USP47: variants seen among roughly 807,000 people sequenced by gnomAD.
USP47 encodes ubiquitin carboxyl-terminal hydrolase 47.
USP47 carries 35 observed loss-of-function variants against 165.1 expected under a neutral mutation model. The ratio of observed to expected loss-of-function variants is 0.21; its 90% CI spans 0.16 to 0.28. The LOEUF (loss-of-function observed/expected upper bound fraction) is 0.28, where lower values mean the gene tolerates loss of function less well. USP47 is among the 10% of genes least tolerant of loss of function. The probability of loss-of-function intolerance (pLI) is 1.00; values close to 1 mark genes in which losing one functional copy is unlikely to be tolerated. For synonymous variants in USP47, 531 were observed against 544.5 expected (o/e 0.98, Z 0.35); for missense variants, 1,277 against 1,607.4 (o/e 0.79, Z 3.52).
At chr11:11,937,997 ATAT>A (rs912942536) in intron 17 of USP47, among the ~76,000 whole-genome samples, 37 of 152,104 alleles carry the variant, frequency 2.4e-4, no homozygotes, top group Non-Finnish European at 4.4e-4. Context: ...GATATAGGAA[ATAT>A]TATTTTGAGG....
At chr11:11,938,582 G>T (rs1016341464) in intron 18 of USP47, among the ~76,000 whole-genome samples, 1 of 152,028 alleles carries the variant, frequency 6.6e-6, no homozygotes, top group Admixed American at 6.6e-5. Context: ...ACTTATATGT[G>T]TTGGCTGGAT....
At chr11:11,926,400 G>T (rs1325465128) in intron 11 of USP47, among the ~76,000 whole-genome samples, 1 of 152,010 alleles carries the variant, frequency 6.6e-6, no homozygotes, top group Non-Finnish European at 1.5e-5. Flanking sequence ...TCTTGAGTCA[G>T]CCTTCATAAG....
chr11:11,842,082 C>G lies in USP47; in HGVS notation c.-104C>G. 7.2e-7 allele frequency: 1 copy of G among 1,395,588 alleles called. No homozygotes were observed. Among genetic ancestry groups the G allele is most frequent in the Non-Finnish European group, 9.8e-7 (1 of 1,023,440 alleles). The allele number at this position is 1,395,588 out of a possible 1,614,324, so 86.5% of individuals were successfully genotyped here. A position where few individuals can be genotyped will look rare whatever the true frequency, so the allele number is the denominator to read the frequency against. On this transcript the variant is annotated 5_prime_UTR_variant, in exon 1 of 28. Transcript: ENST00000527733. ...GCCTCCGCTATTGCTGGAGCGCAGGCGGCGGAGAGGATGACTGCCGCTGCC... is the reference window on the plus strand; with the variant it reads ...GCCTCCGCTATTGCTGGAGCGCAGGGGGCGGAGAGGATGACTGCCGCTGCC...
chr11:11,908,181 T>C (rs967958187), intron 8 of USP47, among the ~76,000 whole-genome samples: 1 of 152,238 alleles, frequency 6.6e-6, no homozygotes, highest in Non-Finnish European at 1.5e-5. Context: ...ATTCTGTTTA[T>C]TGTATGTTTT....
chr11:11,884,404 C>T (rs1192820861), intron 2 of USP47, 63 bp from the exon 3 acceptor site: 1 of 1,154,344 alleles, frequency 8.7e-7, no homozygotes, highest in East Asian at 2.5e-5. Context: ...AGATATGTAT[C>T]TATTTACAGA....
chr11:11,923,597 G>A (rs1011959497), intron 11 of USP47, among the ~76,000 whole-genome samples: 1 of 151,992 alleles, frequency 6.6e-6, no homozygotes, highest in Non-Finnish European at 1.5e-5. Flanking sequence ...TAGATAAAAC[G>A]TCTTGAGCAT....
chr11:11,929,941 CT>C (rs1854530108), intron 12 of USP47, 102 bp from the exon 13 acceptor site: 1 of 943,468 alleles, frequency 1.1e-6, no homozygotes, highest in Admixed American at 2.1e-5. Context: ...TCATGAAGGT[CT>C]TTGATAGCAT....
intron 1 of USP47, among the ~76,000 whole-genome samples, chr11:11,847,770 A>T (rs999984444): frequency 4.6e-5 from 7 of 152,038 alleles, no homozygotes; most frequent in South Asian, 4.1e-4. Context: ...TTTCTTAACC[A>T]TCCTCCCCAC....
At chr11:11,854,967 C>T (rs1316241513) in intron 1 of USP47, among the ~76,000 whole-genome samples, 2 of 150,512 alleles carry the variant, frequency 1.3e-5, no homozygotes, top group Admixed American at 1.3e-4. Flanking sequence ...CAGTGGCGGG[C>T]GCCTGTAGTC....
intron 1 of USP47, among the ~76,000 whole-genome samples, chr11:11,854,395 TGTCA>T (rs1170030622): frequency 6.8e-6 from 1 of 147,224 alleles, no homozygotes; most frequent in East Asian, 2.0e-4. Context: ...TTCCTTAACC[TGTCA>T]GTACCTTAGT....
At chr11:11,950,557 C>T in intron 24 of USP47, 75 bp downstream of exon 24, 1 of 1,005,114 alleles carries the variant, frequency 9.9e-7, no homozygotes, top group Non-Finnish European at 1.5e-6. Context: ...AGTTTTTAAT[C>T]AAATAATGAG....
rs1264367325 is a variant in USP47, at chr11:11,959,653, T to C, written c.*3478T>C. Among the ~76,000 whole-genome samples the C allele has an allele frequency of 2.0e-5, 3 of 152,150 alleles. No individual in the cohort carries two copies. Among genetic ancestry groups the C allele is most frequent in the Admixed American group, 2.0e-4 (3 of 15,276 alleles). ...AATACTGCACAAACTCAAGCATGCATTGGAGCATGTGTTACTATTTAGAAA... is the reference window on the plus strand; with the variant it reads ...AATACTGCACAAACTCAAGCATGCACTGGAGCATGTGTTACTATTTAGAAA... On this transcript the variant is annotated 3_prime_UTR_variant, in exon 28 of 28. Transcript: ENST00000527733.
chr11:11,883,738 C>G (rs1850980595), intron 2 of USP47, among the ~76,000 whole-genome samples: 1 of 152,154 alleles, frequency 6.6e-6, no homozygotes, highest in Non-Finnish European at 1.5e-5. Flanking sequence ...CATCCACCAG[C>G]TAGAGTATAT....
intron 3 of USP47, among the ~76,000 whole-genome samples, chr11:11,890,552 G>T (rs1851446366): frequency 6.6e-6 from 1 of 151,892 alleles, no homozygotes; most frequent in South Asian, 2.1e-4. Flanking sequence ...AAAGATGCTG[G>T]CAAGGTTGTG....
chr11:11,881,209 G>A (rs188744679), intron 2 of USP47, among the ~76,000 whole-genome samples: 386 of 152,164 alleles, frequency 2.5e-3, no homozygotes, highest in Non-Finnish European at 4.3e-3. Context: ...AGGGTGAGAC[G>A]TGCTGCTAGG....
At chr11:11,949,373 C>T (rs1048401988) in intron 22 of USP47, among the ~76,000 whole-genome samples, 1 of 151,946 alleles carries the variant, frequency 6.6e-6, no homozygotes, top group African/African-American at 2.4e-5. Context: ...ATGTGAAAAC[C>T]ATAAATTTAT....
At chr11:11,884,114 C>T (rs936986153) in intron 2 of USP47, among the ~76,000 whole-genome samples, 6 of 152,000 alleles carry the variant, frequency 3.9e-5, no homozygotes, top group Admixed American at 6.6e-5. Context: ...TTTCTTGAAA[C>T]CCCATTAAAT....
chr11:11,873,772 T>C, intron 1 of USP47: 1 of 1,273,034 alleles, frequency 7.9e-7, no homozygotes, highest in Non-Finnish European at 1.0e-6. Context: ...AAATAATTTG[T>C]AATTCATTTT....
intron 15 of USP47, 61 bp from the exon 16 acceptor site, chr11:11,933,770 A>G (rs1054943445): frequency 3.5e-5 from 40 of 1,146,486 alleles, no homozygotes; most frequent in East Asian, 2.9e-4. Context: ...AATAAATGCT[A>G]TCTACGGAAG....
Sources: allele counts gnomAD v4.1 joint callset (sites outside exome capture counted in the v4.1 genomes callset), GRCh38; gene constraint gnomAD v4.1.1; transcripts MANE v1.5; gene names NCBI Gene and HGNC (gene_info 2026-07-23, HGNC 2026-07-21).